The following ROCK1 variants were observed in gnomAD, a reference collection of about 807,000 sequenced individuals.
ROCK1 encodes rho-associated protein kinase 1.
A neutral mutation model predicts 196.8 loss-of-function variants in ROCK1; 36 were observed. The ratio of observed to expected loss-of-function variants is 0.18; its 90% CI spans 0.14 to 0.24. The LOEUF is 0.24. ROCK1 is among the 10% of genes least tolerant of loss of function. ROCK1 has a pLI of 1.00. For synonymous variants in ROCK1, 443 were observed against 515.9 expected, an observed-to-expected ratio of 0.86 and a Z score of 1.91; for missense variants, 920 against 1,562.0, an observed-to-expected ratio of 0.59 and a Z score of 6.93.
chr18:21,039,971 C>T (rs767642440), intron 8 of ROCK1, among the ~76,000 whole-genome samples: 3 of 152,226 alleles, frequency 2.0e-5, no homozygotes, highest in African/African-American at 7.2e-5. Flanking sequence ...ACAGGAGAAT[C>T]GCTTGAACCC....
At chr18:21,033,663 C>T (rs420980) in intron 9 of ROCK1, among the ~76,000 whole-genome samples, 3 of 151,292 alleles carry the variant, frequency 2.0e-5, no homozygotes, top group Admixed American at 6.6e-5. Context: ...AATAAAAGTT[C>T]TACTTCTATA....
At chr18:21,092,290 A>C (rs147448157) in intron 1 of ROCK1, among the ~76,000 whole-genome samples, 4,406 of 152,196 alleles carry the variant, frequency 0.029, 122 homozygotes, top group Non-Finnish European at 0.039. Context: ...GGATCAACCA[A>C]ACAAAATAAA....
At chr18:21,105,906 T>C (rs758583952) in intron 1 of ROCK1, among the ~76,000 whole-genome samples, 58 of 152,042 alleles carry the variant, frequency 3.8e-4, no homozygotes, top group Non-Finnish European at 6.2e-4. Flanking sequence ...AGGCCAAAGA[T>C]TGAGGAAAAG....
chr18:20,990,292 A>C (rs2035612749), intron 18 of ROCK1, among the ~76,000 whole-genome samples: 1 of 152,052 alleles, frequency 6.6e-6, no homozygotes, highest in Admixed American at 6.5e-5. Flanking sequence ...TGAGGTCCAG[A>C]GTGGATCATA....
At chr18:21,070,437 A>G in intron 2 of ROCK1, 95 bp downstream of exon 2, 1 of 652,242 alleles carries the variant, frequency 1.5e-6, no homozygotes, top group Non-Finnish European at 2.5e-6. Context: ...GAAATCACCA[A>G]AAAGTAAATA....
intron 1 of ROCK1, among the ~76,000 whole-genome samples, chr18:21,071,112 CT>C (rs2036380626): frequency 6.7e-6 from 1 of 150,292 alleles, no homozygotes; most frequent in Non-Finnish European, 1.5e-5. Context: ...GGTCTTCTTT[CT>C]TTCTTTGAGG....
chr18:21,041,174 G>A (rs1430942945), intron 8 of ROCK1, among the ~76,000 whole-genome samples: 2 of 150,022 alleles, frequency 1.3e-5, no homozygotes, highest in Non-Finnish European at 3.0e-5. Flanking sequence ...GCTCAGGCCT[G>A]TAATCCCAGC....
At chr18:21,033,026 T>G (rs2036023284) in intron 9 of ROCK1, among the ~76,000 whole-genome samples, 1 of 151,920 alleles carries the variant, frequency 6.6e-6, no homozygotes, top group Non-Finnish European at 1.5e-5. Flanking sequence ...AGACCCCAGC[T>G]CTACAGAAAA....
chr18:20,991,866 G>T (rs1568377679), intron 17 of ROCK1, among the ~76,000 whole-genome samples: 1 of 151,952 alleles, frequency 6.6e-6, no homozygotes, highest in Non-Finnish European at 1.5e-5. Context: ...TCAAATTCCT[G>T]GGCTCAAGCA....
At chr18:21,071,390 G>C (rs1351095359) in intron 1 of ROCK1, among the ~76,000 whole-genome samples, 1 of 151,968 alleles carries the variant, frequency 6.6e-6, no homozygotes, top group East Asian at 1.9e-4. Flanking sequence ...TGCCCAGGCT[G>C]GTCTTGAACT....
intron 1 of ROCK1, among the ~76,000 whole-genome samples, chr18:21,085,745 T>C (rs991500420): frequency 5.3e-5 from 8 of 152,238 alleles, no homozygotes; most frequent in African/African-American, 1.9e-4. Context: ...AGTCATGTGA[T>C]CTTGAGCAAG....
In ROCK1 at chr18:21,111,465, C is replaced by A. The variant is rs566566390; in HGVS notation, c.-555G>T. The A allele has an allele frequency of 1.2e-5, 3 of 254,380 alleles. No homozygotes were observed. Among genetic ancestry groups the A allele is most frequent in the South Asian group, 3.0e-4 (2 of 6,740 alleles). 15.8% of individuals were successfully genotyped at this position (254,380 alleles called of 1,614,324 possible). ...GCGTCCCCGGCTCTACTCGGCCCGGCCCGACGCACCGATCAGTCTCGGCCA... is the reference window on the plus strand; with the variant it reads ...GCGTCCCCGGCTCTACTCGGCCCGGACCGACGCACCGATCAGTCTCGGCCA... On this transcript the variant is annotated 5_prime_UTR_variant, in exon 1 of 33. Transcript: ENST00000399799. This position sits in a 1 kb window ranked among gnomAD's most constrained non-coding sequence, Gnocchi z 4.2.
intron 10 of ROCK1, among the ~76,000 whole-genome samples, chr18:21,024,253 G>T (rs1192728728): frequency 1.3e-5 from 2 of 152,126 alleles, no homozygotes; most frequent in Admixed American, 6.6e-5. Flanking sequence ...AATCTTTTGG[G>T]ACTCCCAGCC....
chr18:21,062,393 T>C (rs73959785), intron 2 of ROCK1, among the ~76,000 whole-genome samples: 3,543 of 151,286 alleles, frequency 0.023, 128 homozygotes, highest in African/African-American at 0.082. Context: ...AAGTATTAGG[T>C]TGGTGCAAAA....
intron 9 of ROCK1, among the ~76,000 whole-genome samples, chr18:21,038,453 T>A (rs917492647): frequency 4.6e-5 from 7 of 152,170 alleles, no homozygotes; most frequent in African/African-American, 1.7e-4. Context: ...ATGTAAGTAC[T>A]GTGCTATAGT....
In ROCK1 at chr18:20,987,057, G is replaced by A. The variant is rs765671790; in HGVS notation, c.2197C>T (p.Arg733Trp). Residue 733 changes from arginine (R) to tryptophan (W), a missense_variant, in exon 19 of 33, where the codon CGG (arginine) becomes TGG (tryptophan). Transcript: ENST00000399799. ...CACTGTTTCTCAATCTGAACAACCC[G>A]ATTTTCAGCCTTCTCTCGAGCTTCT... ...EREAREKAEN[R>W]VVQIEKQCSM... The A allele has an allele frequency of 1.6e-5, 25 of 1,612,608 alleles. No homozygotes were observed. Among genetic ancestry groups the A allele is most frequent in the South Asian group, 6.6e-5 (6 of 90,476 alleles).
chr18:21,008,602 A>T (rs529643368), intron 13 of ROCK1, among the ~76,000 whole-genome samples: 1 of 152,316 alleles, frequency 6.6e-6, no homozygotes, highest in African/African-American at 2.4e-5. Context: ...CAACTTAAAA[A>T]TGTACCTTTC....
chr18:21,034,855 A>T (rs2143490767), intron 9 of ROCK1, among the ~76,000 whole-genome samples: 1 of 152,326 alleles, frequency 6.6e-6, no homozygotes, highest in East Asian at 1.9e-4. Flanking sequence ...AGAATAGAAA[A>T]TATCTGCAAA....
intron 8 of ROCK1, among the ~76,000 whole-genome samples, chr18:21,040,441 T>A (rs1249298058): frequency 6.6e-6 from 1 of 152,224 alleles, no homozygotes; most frequent in African/African-American, 2.4e-5. Context: ...GCCTCTTTTT[T>A]GGTGAGCAAA....
Sources: allele counts gnomAD v4.1 joint callset (sites outside exome capture counted in the v4.1 genomes callset), GRCh38; gene constraint gnomAD v4.1.1; non-coding constraint Gnocchi (gnomAD v3.1); transcripts MANE v1.5; gene names NCBI Gene and HGNC (gene_info 2026-07-23, HGNC 2026-07-21).